The following DHX38 variants were observed in gnomAD, a reference collection of about 807,000 sequenced individuals.
DHX38 encodes the protein pre-mRNA-splicing factor ATP-dependent RNA helicase PRP16.
A neutral mutation model predicts 153.1 loss-of-function variants in DHX38; 100 were observed. The ratio of observed to expected loss-of-function variants is 0.65; its 90% CI spans 0.56 to 0.77. The LOEUF is 0.77. Among genes scored for constraint, DHX38 ranks in the 30% least tolerant of loss-of-function variants. The probability of loss-of-function intolerance (pLI) is 0.00; values close to 1 mark genes in which losing one functional copy is unlikely to be tolerated. For missense variants in DHX38, 1,440 were observed against 1,654.0 expected (o/e 0.87, Z 2.24); for synonymous variants, 650 against 631.7 (o/e 1.03, Z -0.43).
intron 8 of DHX38, 76 bp downstream of exon 8, chr16:72,099,963 A>C: frequency 6.6e-7 from 1 of 1,522,432 alleles, no homozygotes; most frequent in African/African-American, 1.4e-5. Context: ...GGTTATCCCC[A>C]AGTGAGGGCA....
chr16:72,102,707 G>A (rs901380466), intron 11 of DHX38, among the ~76,000 whole-genome samples: 2 of 152,184 alleles, frequency 1.3e-5, no homozygotes, highest in South Asian at 2.1e-4. Context: ...CCCTTTAGAC[G>A]TTGTGCTGAA....
Position 72,099,190 on chromosome 16 carries a change from C to A in DHX38, c.884-14C>A. On this transcript the variant is annotated splice_polypyrimidine_tract_variant and intron_variant, in intron 6 of 26. Coordinates refer to ENST00000268482, the MANE Select transcript of DHX38 (RefSeq NM_014003.4). ...GCCAGGGCATGGACTGACCTGCTTC[C>A]TGTGCTCCTCCAGGAAGACGTGAGG... 6.2e-7 allele frequency: 1 copy of A among 1,604,950 alleles called. No individual in the cohort carries two copies. The highest frequency in any genetic ancestry group is 8.5e-7 in the Non-Finnish European group (1 of 1,176,086).
chr16:72,112,329 A>G, intron 26 of DHX38, 84 bp from the exon 27 acceptor site: 1 of 1,373,550 alleles, frequency 7.3e-7, no homozygotes, highest in Non-Finnish European at 1.0e-6. Context: ...TAGGAACAGT[A>G]AGTCCTGGGG....
chr16:72,096,219 A>G lies in DHX38; in HGVS notation c.62A>G (p.Gln21Arg), dbSNP rs2042015777. ...TTGGAAGGCACTGATCTGGACTGTC[A>G]GGTTGGTGGTCTTATTTGCAAGTCC... is the stretch of plus-strand genomic sequence containing the variant. The part of the protein sequence containing the change: ...HRLEGTDLDC[Q>R]VGGLICKSKS... Residue 21 changes from glutamine to arginine, a missense_variant, in exon 2 of 27, where the codon CAG becomes CGG. By Grantham distance (43) the Gln-to-Arg change is conservative. Coordinates refer to ENST00000268482, the MANE Select transcript of DHX38 (RefSeq NM_014003.4). The G allele has an allele frequency of 6.2e-7, 1 of 1,614,082 alleles. No individual in the cohort carries two copies. Among genetic ancestry groups the G allele is most frequent in the South Asian group, 1.1e-5 (1 of 91,076 alleles).
intron 1 of DHX38, among the ~76,000 whole-genome samples, chr16:72,095,894 G>GGT (rs67109934): frequency 0.17 from 25,395 of 147,098 alleles, 2,180 homozygotes; most frequent in African/African-American, 0.22. Flanking sequence ...GAATGTATGG[G>GGT]GTGTGTGTGT....
At chr16:72,098,457 C>T (rs11862813) in intron 4 of DHX38, among the ~76,000 whole-genome samples, 188 bp from the exon 5 acceptor site, 76,101 of 152,074 alleles carry the variant, frequency 0.5, 20,945 homozygotes, top group African/African-American at 0.74. Flanking sequence ...AGGAAAAATA[C>T]ATCCTGGACC....
Position 72,103,125 on chromosome 16 carries a change from T to G in DHX38, c.1551T>G (p.Ser517Arg). 6.2e-7 allele frequency: 1 copy of G among 1,614,154 alleles called. No homozygotes were observed. The highest frequency in any genetic ancestry group is 8.5e-7 in the Non-Finnish European group (1 of 1,180,014). The part of the protein sequence containing the change: ...DHMKRKSEAS[S>R]EFAKKKSILE... ...TGAAGAGAAAGAGCGAAGCCAGCAG[T>G]GAATTTGCAAAGAAGAAGTCCATCC... Residue 517 changes from serine (S) to arginine (R), a missense_variant, in exon 12 of 27, where the codon AGT (serine) becomes AGG (arginine). Physicochemically the swap from Ser to Arg is moderately radical, Grantham distance 110 (BLOSUM62 -1). This residue lies in a region of DHX38 where 241 missense variants were observed against 229.5 expected (regional missense o/e 1.05). Transcript: ENST00000268482.
chr16:72,098,358 G>A lies in DHX38; in HGVS notation c.617-287G>A, dbSNP rs997915660. 5.3e-5 allele frequency among the ~76,000 whole-genome samples: 8 copies of A among 152,018 alleles called. No individual in the cohort carries two copies. The South Asian group carries it at 6.2e-4, about 12-fold the overall frequency. Reference sequence around the variant, plus strand: ...TGAGGCAGGAGAATCACTTGTACCCGGGAGGCAGAGGTTGCAGTGAGCCAA... The same window carrying A: ...TGAGGCAGGAGAATCACTTGTACCCAGGAGGCAGAGGTTGCAGTGAGCCAA... On this transcript the variant is annotated intron_variant, in intron 4 of 26. Coordinates refer to ENST00000268482, the MANE Select transcript of DHX38 (RefSeq NM_014003.4).
Position 72,104,480 on chromosome 16 carries a change from T to C in DHX38, c.2011-6T>C. 1 of 1,613,646 alleles carries C rather than the reference T, an allele frequency of 6.2e-7. No homozygotes were observed. The highest frequency in any genetic ancestry group is 1.3e-5 in the African/African-American group (1 of 75,030). The stretch of plus-strand genomic sequence containing the variant: ...ATGGGGGCCTCCGAGCCGCCTCTTC[T>C]CTCAGGTAGTGGCTCGGCGCTCAGA... On this transcript the variant is annotated splice_polypyrimidine_tract_variant and splice_region_variant and intron_variant, in intron 14 of 26. Coordinates refer to ENST00000268482, the MANE Select transcript of DHX38 (RefSeq NM_014003.4). This position sits in a 1 kb window ranked among gnomAD's most constrained non-coding sequence, Gnocchi z 4.5.
chr16:72,101,215 C>T (rs188777904), intron 10 of DHX38, 22 bp downstream of exon 10: 90 of 1,612,984 alleles, frequency 5.6e-5, no homozygotes, highest in Non-Finnish European at 7.3e-5. Context: ...GGTTTCGTGG[C>T]TGGGAAGTTT....
rs762775948 is a variant in DHX38 at position 72,103,668 on chromosome 16, C to T, written c.1704C>T (p.Tyr568=). Residue 568 remains tyrosine, a synonymous_variant, in exon 13 of 27, where the codon TAC becomes TAT. Coordinates refer to ENST00000268482, the MANE Select transcript of DHX38 (RefSeq NM_014003.4). ...GSGKTTQLTQ[Y]LHEDGYTDYG... ...GTAAGACCACTCAGCTGACGCAGTA[C>T]CTGCATGAAGATGGTTACACGGACT... 3 of 1,614,072 alleles carry T rather than the reference C, an allele frequency of 1.9e-6. No individual in the cohort carries two copies. The highest frequency in any genetic ancestry group is 2.5e-6 in the Non-Finnish European group (3 of 1,179,952).
Position 72,104,975 on chromosome 16 carries a change from C to G in DHX38, c.2152-52C>G. On this transcript the variant is annotated intron_variant, in intron 15 of 26. Transcript: ENST00000268482. The surrounding 1 kb of genome is among the most constrained non-coding windows in gnomAD (Gnocchi z 4.5). ...GGCCACTGGGCTCCCAGGAGATGCCCGGCCTGCGCTTCTAGTACCTCCCTC... is the reference window on the plus strand; with the variant it reads ...GGCCACTGGGCTCCCAGGAGATGCCGGGCCTGCGCTTCTAGTACCTCCCTC... 6.4e-7 allele frequency: 1 copy of G among 1,560,336 alleles called. No homozygotes were observed. Among genetic ancestry groups the G allele is most frequent in the Non-Finnish European group, 8.7e-7 (1 of 1,143,792 alleles).
chr16:72,103,156 C>A lies in DHX38; in HGVS notation c.1582C>A (p.Gln528Lys). 1 of 1,614,222 alleles carries A rather than the reference C, an allele frequency of 6.2e-7. No homozygotes were observed. Among genetic ancestry groups the A allele is most frequent in the Non-Finnish European group, 8.5e-7 (1 of 1,180,026 alleles). Reference sequence around the variant, plus strand: ...TGCAAAGAAGAAGTCCATCCTGGAGCAGAGGCAGTACCTGCCCATCTTTGC... The same window carrying A: ...TGCAAAGAAGAAGTCCATCCTGGAGAAGAGGCAGTACCTGCCCATCTTTGC... ...EFAKKKSILE[Q>K]RQYLPIFAVQ... is the part of the protein sequence containing the mutation. The change falls in exon 12 of 27, where the codon CAG becomes AAG. Residue 528 changes from glutamine to lysine, a missense_variant. Gln to Lys is a moderately conservative substitution (Grantham distance 53). Around this residue, in one of 6 missense-constraint regions of DHX38, gnomAD observed 241 missense variants for 229.5 expected, o/e 1.05. Transcript: ENST00000268482.
At position 72,112,687 on chromosome 16, in the gene DHX38, G is replaced by A. The variant is rs1276486945; in HGVS notation, c.*190G>A. The stretch of plus-strand genomic sequence containing the variant: ...GTGGAGTTCTTCCATGCAGGAGCAC[G>A]GCATGGCGGGAGCGGGGCTGCAGAG... On this transcript the variant is annotated 3_prime_UTR_variant, in exon 27 of 27. Transcript: ENST00000268482. 8 of 725,194 alleles carry A rather than the reference G, an allele frequency of 1.1e-5. No homozygotes were observed. In the East Asian group the frequency reaches 1.3e-4, roughly 12 times the overall value. The allele number at this position is 725,194 out of a possible 1,614,324, so 44.9% of individuals were successfully genotyped here. A position where few individuals can be genotyped will look rare whatever the true frequency, so the allele number is the denominator to read the frequency against.
chr16:72,111,551 G>A (rs1335370341), intron 26 of DHX38, among the ~76,000 whole-genome samples: 1 of 152,218 alleles, frequency 6.6e-6, no homozygotes, highest in African/African-American at 2.4e-5. Flanking sequence ...TTGCTAGAAT[G>A]ACTTTCAGAA....
At chr16:72,103,246 AG>A (rs1206025755) in intron 12 of DHX38, 35 bp downstream of exon 12, 5 of 1,603,468 alleles carry the variant, frequency 3.1e-6, no homozygotes, top group Non-Finnish European at 4.3e-6. Flanking sequence ...TCTAGTGTCA[AG>A]TCAGGGGTGC....
At position 72,099,209 on chromosome 16, in the gene DHX38, C is replaced by T. The variant is rs763560423; in HGVS notation, c.889C>T (p.Arg297Cys). Residue 297 changes from arginine (R) to cysteine (C), a missense_variant, in exon 7 of 27, where the codon CGT (arginine) becomes TGT (cysteine). Physicochemically the swap from Arg to Cys is radical, Grantham distance 180. Transcript: ENST00000268482. The part of the protein sequence containing the change: ...TPRLSRGRGR[R>C]EEGEEGISFD... ...TGCTTCCTGTGCTCCTCCAGGAAGA[C>T]GTGAGGAGGGCGAAGAAGGAATTTC... 6.8e-6 allele frequency: 11 copies of T among 1,610,498 alleles called. No individual in the cohort carries two copies. Among genetic ancestry groups the T allele is most frequent in the Middle Eastern group, 1.9e-4 (1 of 5,210 alleles).
intron 25 of DHX38, 23 bp downstream of exon 25, chr16:72,109,533 A>G (rs1414952485): frequency 1.3e-6 from 2 of 1,598,100 alleles, no homozygotes; most frequent in Non-Finnish European, 1.7e-6. Context: ...TGCTCTTCGC[A>G]GGGGTGCTGT....
At position 72,101,566 on chromosome 16, in the gene DHX38, G is replaced by A; in HGVS notation, c.1453G>A (p.Glu485Lys). The A allele has an allele frequency of 6.4e-7, 1 of 1,552,128 alleles. No homozygotes were observed. The highest frequency in any genetic ancestry group is 8.7e-7 in the Non-Finnish European group (1 of 1,147,222). Reference sequence around the variant, plus strand: ...AGATATAATGGGCGTCAAGAAGGAGGAAGAGCCAGATAAAGCTGTGACGGA... The same window carrying A: ...AGATATAATGGGCGTCAAGAAGGAGAAAGAGCCAGATAAAGCTGTGACGGA... Reference protein sequence around the residue: ...LGDIMGVKKEEEPDKAVTEDG... With the variant: ...LGDIMGVKKEKEPDKAVTEDG... Residue 485 changes from glutamate to lysine, a missense_variant, in exon 11 of 27, where the codon GAA becomes AAA. Glu to Lys is a moderately conservative substitution (Grantham distance 56). This residue lies in a region of DHX38 where 241 missense variants were observed against 229.5 expected (regional missense o/e 1.05). Coordinates refer to ENST00000268482, the MANE Select transcript of DHX38 (RefSeq NM_014003.4).
Sources: gnomAD v4.1 joint callset for allele counts (sites outside exome capture counted in the v4.1 genomes callset) on GRCh38, gnomAD v4.1.1 for gene constraint, gnomAD v4.1.1 regional missense constraint, Gnocchi (gnomAD v3.1) non-coding constraint, MANE v1.5 for transcripts, NCBI Gene and HGNC (gene_info 2026-07-23, HGNC 2026-07-21) for gene names.